Variants in POTEE observed in about 807,000 individuals in gnomAD.
POTEE encodes ANKRD26-like family C member 1A.
POTEE carries 21 observed loss-of-function variants against 74.2 expected under a neutral mutation model. The ratio of observed to expected loss-of-function variants is 0.28; its 90% CI spans 0.20 to 0.41. The LOEUF is 0.41. Among genes scored for constraint, POTEE ranks in the 10% least tolerant of loss-of-function variants. The pLI is 1.00. For missense variants in POTEE, 525 were observed against 1,158.6 expected, an observed-to-expected ratio of 0.45 and a Z score of 7.94; for synonymous variants, 211 against 432.8, an observed-to-expected ratio of 0.49 and a Z score of 6.36.
At chr2:131,233,267 T>C (rs1478624167) in intron 9 of POTEE, among the ~76,000 whole-genome samples, 1 of 151,946 alleles carries the variant, frequency 6.6e-6, no homozygotes, top group East Asian at 1.9e-4. Flanking sequence ...GTGGTCTCTG[T>C]CATATCTACT....
rs1180259007 is a variant in POTEE, at chr2:131,218,321, G to T, written c.-82G>T. The T allele has an allele frequency of 3.1e-6, 5 of 1,595,326 alleles. No individual in the cohort carries two copies. Among genetic ancestry groups the T allele is most frequent in the Non-Finnish European group, 4.3e-6 (5 of 1,170,692 alleles). On this transcript the variant is annotated 5_prime_UTR_variant, in exon 4 of 18. Transcript: ENST00000683005. ...TTCTCTTCAAACAGATTGGAAACCCGGAGTTACCTGCTAGTTGGTGAAACT... is the reference window on the plus strand; with the variant it reads ...TTCTCTTCAAACAGATTGGAAACCCTGAGTTACCTGCTAGTTGGTGAAACT...
intron 2 of POTEE, among the ~76,000 whole-genome samples, chr2:131,212,598 C>T (rs1700382182): frequency 9.2e-6 from 1 of 108,754 alleles, no homozygotes; most frequent in Non-Finnish European, 1.9e-5. Flanking sequence ...GAGTTTTGCT[C>T]TTGTTGCCCA....
chr2:131,224,524 G>A (rs1394049646), intron 6 of POTEE, among the ~76,000 whole-genome samples: 1 of 147,072 alleles, frequency 6.8e-6, no homozygotes, highest in African/African-American at 2.5e-5. Flanking sequence ...TTGCTCATGA[G>A]CCAGAAGTGG....
chr2:131,225,659 C>A (rs1700761611), intron 6 of POTEE, among the ~76,000 whole-genome samples: 3 of 149,334 alleles, frequency 2.0e-5, no homozygotes, highest in Admixed American at 1.3e-4. Context: ...CTCGACCTCT[C>A]CAAGCTCAGA....
intron 8 of POTEE, among the ~76,000 whole-genome samples, chr2:131,230,019 C>T (rs1700900078): frequency 2.0e-5 from 3 of 151,994 alleles, no homozygotes; most frequent in Non-Finnish European, 4.4e-5. Context: ...AAAGCATTAT[C>T]CTAACAGACA....
At chr2:131,224,761 C>T (rs1359878481) in intron 6 of POTEE, among the ~76,000 whole-genome samples, 5 of 150,482 alleles carry the variant, frequency 3.3e-5, no homozygotes, top group Admixed American at 1.3e-4. Flanking sequence ...TTTAGGAGGC[C>T]TCTGAGGAAC....
At position 131,218,394 on chromosome 2, in the gene POTEE, T is replaced by C. The variant is rs1700500041; in HGVS notation, c.-9T>C. The C allele has an allele frequency of 1.9e-6, 3 of 1,612,234 alleles. No homozygotes were observed. Among genetic ancestry groups the C allele is most frequent in the Non-Finnish European group, 1.7e-6 (2 of 1,179,686 alleles). On this transcript the variant is annotated 5_prime_UTR_variant, in exon 4 of 18. Coordinates refer to ENST00000683005, the MANE Select transcript of POTEE (RefSeq NM_001083538.3). ...GCTACTACTGGCTTCTCCTGGCTGT[T>C]AAAAGCAGATGGTGGTTGAGGTTGA...
chr2:131,218,735 G>T lies in POTEE; in HGVS notation c.333G>T (p.Gly111=), dbSNP rs1341082766. ...WCCHCFPCCR[G]SGKSKVGAWG... ...GCCACTGCTTCCCCTGCTGCAGGGG[G>T]AGCGGCAAGAGCAAGGTGGGCGCTT... Residue 111 remains glycine (G), a synonymous_variant, in exon 4 of 18, where the codon GGG becomes GGT. Coordinates refer to ENST00000683005, the MANE Select transcript of POTEE (RefSeq NM_001083538.3). 6.3e-7 allele frequency: 1 copy of T among 1,579,638 alleles called. No homozygotes were observed. Among genetic ancestry groups the T allele is most frequent in the South Asian group, 1.1e-5 (1 of 88,574 alleles).
chr2:131,225,709 G>A (rs1275327604), intron 6 of POTEE, among the ~76,000 whole-genome samples: 2 of 138,262 alleles, frequency 1.4e-5, no homozygotes, highest in East Asian at 4.2e-4. Context: ...TTTTTCAGTA[G>A]AGATGAGGTT....
intron 4 of POTEE, among the ~76,000 whole-genome samples, chr2:131,219,468 C>T (rs971603762): frequency 3.3e-5 from 5 of 151,962 alleles, no homozygotes; most frequent in Non-Finnish European, 5.9e-5. Flanking sequence ...TGGCTGGGCG[C>T]GGTGGCTCAC....
At chr2:131,227,422 A>G (rs1488523053) in intron 7 of POTEE, among the ~76,000 whole-genome samples, 2 of 144,876 alleles carry the variant, frequency 1.4e-5, no homozygotes, top group African/African-American at 5.5e-5. Context: ...CTACATGACA[A>G]TTAATTGCTG....
At chr2:131,235,312 C>T (rs1701092914) in intron 9 of POTEE, among the ~76,000 whole-genome samples, 1 of 152,110 alleles carries the variant, frequency 6.6e-6, no homozygotes, top group African/African-American at 2.4e-5. Flanking sequence ...TAAGATGATG[C>T]TCAAGACTGT....
At position 131,209,564 on chromosome 2, in the gene POTEE, G is replaced by T. The variant is rs1306634967; in HGVS notation, c.-600G>T. ...TCAGGCTCTTAAGTGTGGGCGTTTG[G>T]TAACCGGCATGGCTGCTACCTGTTT... On this transcript the variant is annotated 5_prime_UTR_variant, in exon 1 of 18. Coordinates refer to ENST00000683005, the MANE Select transcript of POTEE (RefSeq NM_001083538.3). Among the ~76,000 whole-genome samples the T allele has an allele frequency of 2.6e-5, 4 of 152,222 alleles. No homozygotes were observed. Among genetic ancestry groups the T allele is most frequent in the Non-Finnish European group, 4.4e-5 (3 of 68,038 alleles).
intron 10 of POTEE, among the ~76,000 whole-genome samples, chr2:131,237,276 T>A (rs1701159694): frequency 6.6e-6 from 1 of 151,700 alleles, no homozygotes; most frequent in Non-Finnish European, 1.5e-5. Flanking sequence ...GATTCATGGT[T>A]AAGGAGTAAT....
At chr2:131,262,843 C>T (rs866125397) in intron 17 of POTEE, among the ~76,000 whole-genome samples, 4,734 of 128,550 alleles carry the variant, frequency 0.037, 1 homozygote, top group Middle Eastern at 0.051. Flanking sequence ...TGTAGAATAT[C>T]GGTAAAACGT....
intron 16 of POTEE, among the ~76,000 whole-genome samples, chr2:131,256,993 T>G (rs1701594956): frequency 6.6e-6 from 1 of 151,080 alleles, no homozygotes; most frequent in Non-Finnish European, 1.5e-5. Context: ...ACATCAACTC[T>G]GTTAACATCA....
chr2:131,210,563 A>C (rs564314184), intron 1 of POTEE, among the ~76,000 whole-genome samples: 132 of 152,144 alleles, frequency 8.7e-4, no homozygotes, highest in African/African-American at 2.8e-3. Flanking sequence ...CTGCTCGTGC[A>C]ATCTTGAGCA....
intron 2 of POTEE, among the ~76,000 whole-genome samples, chr2:131,215,141 A>G (rs1251237635): frequency 2.0e-5 from 3 of 151,696 alleles, no homozygotes; most frequent in African/African-American, 7.3e-5. Context: ...AATGTAGGGA[A>G]TGACATTTTT....
intron 1 of POTEE, among the ~76,000 whole-genome samples, chr2:131,210,672 G>A (rs1186328267): frequency 5.3e-5 from 8 of 150,982 alleles, no homozygotes; most frequent in Admixed American, 1.3e-4. Flanking sequence ...ACCGGGTGGG[G>A]ATTAGTGGGC....
Sources: gnomAD v4.1 joint callset for allele counts (sites outside exome capture counted in the v4.1 genomes callset) on GRCh38, gnomAD v4.1.1 for gene constraint, MANE v1.5 for transcripts, NCBI Gene and HGNC (gene_info 2026-07-23, HGNC 2026-07-21) for gene names.